The following VEGFA variants were observed in gnomAD, a reference collection of about 807,000 sequenced individuals.
VEGFA encodes the protein vascular endothelial growth factor A, long form.
VEGFA carries 20 observed loss-of-function variants against 49.7 expected under a neutral mutation model. The ratio of observed to expected loss-of-function variants is 0.40; its 90% CI spans 0.28 to 0.58. VEGFA has a LOEUF of 0.58. Among genes scored for constraint, VEGFA ranks in the 20% least tolerant of loss-of-function variants. The pLI is 0.40. For missense variants in VEGFA, 505 were observed against 553.5 expected (o/e 0.91, Z 0.88); for synonymous variants, 219 against 223.4 (o/e 0.98, Z 0.18).
chr6:43,775,352 C>T (rs991665189), intron 2 of VEGFA: 1 of 152,264 alleles, frequency 6.6e-6, no homozygotes. Context: ...AAAAGGTTGT[C>T]TGCGATAAAT....
In VEGFA at chr6:43,784,341, G is replaced by A. The variant is rs1768995130; in HGVS notation, c.1167-200G>A. On this transcript the variant is annotated intron_variant, in intron 7 of 7. Transcript: ENST00000672860. ...CTGAGTGGAGCTGCTGCTCAGGCCGGGGCTCCCTGAGGGCAGGGCTGGGGC... is the reference window on the plus strand; with the variant it reads ...CTGAGTGGAGCTGCTGCTCAGGCCGAGGCTCCCTGAGGGCAGGGCTGGGGC... 6.2e-6 allele frequency: 4 copies of A among 646,994 alleles called. No homozygotes were observed. The South Asian group carries it at 7.0e-5, about 11-fold the overall frequency. The allele number at this position is 646,994 out of a possible 1,614,324, so 40.1% of individuals were successfully genotyped here. A position where few individuals can be genotyped will look rare whatever the true frequency, so the allele number is the denominator to read the frequency against.
Position 43,771,071 on chromosome 6 carries a change from A to AGGC in VEGFA, c.371_373dup (p.Ala124dup). 6.7e-7 allele frequency: 1 copy of AGGC among 1,502,516 alleles called. No individual in the cohort carries two copies. The allele number at this position is 1,502,516 out of a possible 1,614,324, so 93.1% of individuals were successfully genotyped here. On this transcript the variant is annotated inframe_insertion, in exon 1 of 8. Coordinates refer to ENST00000672860, the MANE Select transcript of VEGFA (RefSeq NM_003376.6). ...CGGAAGCCGGGCTCATGGACGGGTGAGGCGGCGGTGTGCGCAGACAGTGCT... is the reference window on the plus strand; with the variant it reads ...CGGAAGCCGGGCTCATGGACGGGTGAGGCGGCGGCGGTGTGCGCAGACAGTGCT...
Position 43,777,701 on chromosome 6 carries a change from A to C in VEGFA, c.855+36A>C. 4.5e-4 allele frequency: 288 copies of C among 641,122 alleles called. No individual in the cohort carries two copies. Among genetic ancestry groups the C allele is most frequent in the Non-Finnish European group, 7.2e-4 (257 of 357,578 alleles). 39.7% of individuals were successfully genotyped at this position (641,122 alleles called of 1,614,324 possible). A position where few individuals can be genotyped will look rare whatever the true frequency, so the allele number is the denominator to read the frequency against. On this transcript the variant is annotated intron_variant, in intron 3 of 7. Coordinates refer to ENST00000672860, the MANE Select transcript of VEGFA (RefSeq NM_003376.6). This position sits in a 1 kb window ranked among gnomAD's most constrained non-coding sequence, Gnocchi z 4.3. ...TTGGGAAGTGGGGCAAGGGGGGGAT[A>C]GGGAGGGGGGTAACACTTTGGGAAC...
chr6:43,784,513 C>G (rs750362894), intron 7 of VEGFA, 28 bp from the exon 8 acceptor site: 1 of 1,613,660 alleles, frequency 6.2e-7, no homozygotes. Flanking sequence ...TGGCCCTAAC[C>G]CCAGCCTTTG....
chr6:43,777,692 G>T lies in VEGFA; in HGVS notation c.855+27G>T. On this transcript the variant is annotated intron_variant, in intron 3 of 7. Transcript: ENST00000672860. This position sits in a 1 kb window ranked among gnomAD's most constrained non-coding sequence, Gnocchi z 4.3. ...TGGGCATCTTTGGGAAGTGGGGCAA[G>T]GGGGGGATAGGGAGGGGGGTAACAC... 1 of 1,398,644 alleles carries T rather than the reference G, an allele frequency of 7.1e-7. No individual in the cohort carries two copies. Among genetic ancestry groups the T allele is most frequent in the Non-Finnish European group, 9.8e-7 (1 of 1,024,466 alleles). 86.6% of individuals were successfully genotyped at this position (1,398,644 alleles called of 1,614,324 possible).
At chr6:43,780,314 T>A in intron 5 of VEGFA, 2 of 296,802 alleles carry the variant, frequency 6.7e-6, no homozygotes, top group Non-Finnish European at 1.3e-5. Context: ...CTGGCCTACC[T>A]TTTATCACCC....
chr6:43,779,681 C>G (rs1216900731), intron 5 of VEGFA: 1 of 469,124 alleles, frequency 2.1e-6, no homozygotes, highest in Non-Finnish European at 4.3e-6. Flanking sequence ...AACCCCTTGC[C>G]TCTTCCCTCA....
chr6:43,771,948 C>T, intron 1 of VEGFA: 1 of 936,108 alleles, frequency 1.1e-6, no homozygotes, highest in African/African-American at 1.8e-5. Flanking sequence ...CCCTCCCCCG[C>T]CCGGCCGGGT....
intron 5 of VEGFA, 87 bp from the exon 6 acceptor site, chr6:43,780,645 G>A (rs545111127): frequency 1.3e-5 from 21 of 1,563,546 alleles, no homozygotes; most frequent in East Asian, 2.3e-5. Context: ...TGCTTTGGTC[G>A]TTCCCCCATC....
chr6:43,771,674 A>C (rs1440593784), intron 1 of VEGFA, among the ~76,000 whole-genome samples: 1 of 151,676 alleles, frequency 6.6e-6, no homozygotes, highest in Admixed American at 6.6e-5. Flanking sequence ...GACGAACTGG[A>C]AGTCTGAGCA....
chr6:43,782,177 C>CG, intron 7 of VEGFA, 90 bp downstream of exon 7: 1 of 1,552,828 alleles, frequency 6.4e-7, no homozygotes, highest in Admixed American at 1.8e-5. Context: ...AGCGAGCGAG[C>CG]GGGAGAGCGC....
At chr6:43,779,606 C>A in intron 5 of VEGFA, 1 of 440,440 alleles carries the variant, frequency 2.3e-6, no homozygotes, top group Non-Finnish European at 4.6e-6. Context: ...GTGCCCTGCC[C>A]TTTCCCCCAC....
At chr6:43,772,916 C>A (rs1363006219) in intron 1 of VEGFA, among the ~76,000 whole-genome samples, 6 of 152,202 alleles carry the variant, frequency 3.9e-5, no homozygotes, top group Non-Finnish European at 8.8e-5. Flanking sequence ...TGGCCCCTGC[C>A]TGCCTAGAAC....
Position 43,773,794 on chromosome 6 carries a change from G to A in VEGFA, c.607-547G>A, listed in dbSNP as rs1015097332. The stretch of plus-strand genomic sequence containing the variant: ...GCTGGGTTATTCCTAAGGACTAGAA[G>A]AGCTTGGATGGGGGAGGGTGGTTGG... On this transcript the variant is annotated intron_variant, in intron 1 of 7. Transcript: ENST00000672860. The surrounding 1 kb of genome is among the most constrained non-coding windows in gnomAD (Gnocchi z 5.6). The A allele has an allele frequency of 5.5e-6, 1 of 181,690 alleles. No individual in the cohort carries two copies. The highest frequency in any genetic ancestry group is 2.3e-5 in the African/African-American group (1 of 43,082). The allele number at this position is 181,690 out of a possible 1,614,324, so 11.3% of individuals were successfully genotyped here. A position where few individuals can be genotyped will look rare whatever the true frequency, so the allele number is the denominator to read the frequency against.
intron 1 of VEGFA, 123 bp downstream of exon 1, chr6:43,771,435 G>A: frequency 9.8e-7 from 1 of 1,020,684 alleles, no homozygotes; most frequent in Non-Finnish European, 1.3e-6. Context: ...CACCAGGCGT[G>A]CGGCGTCCCC....
rs1238727805 is a variant in VEGFA at position 43,777,968 on chromosome 6, C to G, written c.855+303C>G. ...CCTCTCTTGGAGAGAGTCCTGAGTG[C>G]CCCCCCTTCTTGGGGGCTTTGTTTG... On this transcript the variant is annotated intron_variant, in intron 3 of 7. Transcript: ENST00000672860. The surrounding 1 kb of genome is among the most constrained non-coding windows in gnomAD (Gnocchi z 4.3). 2 of 483,108 alleles carry G rather than the reference C, an allele frequency of 4.1e-6. No individual in the cohort carries two copies. The highest frequency in any genetic ancestry group is 2.5e-5 in the South Asian group (1 of 40,546). The allele number at this position is 483,108 out of a possible 1,614,324, so 29.9% of individuals were successfully genotyped here.
chr6:43,777,930 G>A lies in VEGFA; in HGVS notation c.855+265G>A, dbSNP rs1561990782. 1 of 547,634 alleles carries A rather than the reference G, an allele frequency of 1.8e-6. No individual in the cohort carries two copies. The highest frequency in any genetic ancestry group is 2.2e-5 in the South Asian group (1 of 46,156). 33.9% of individuals were successfully genotyped at this position (547,634 alleles called of 1,614,324 possible). A position where few individuals can be genotyped will look rare whatever the true frequency, so the allele number is the denominator to read the frequency against. ...GGGGACAGATGGATGCCTGTGTCAG[G>A]AGCCCCTCTCTCCCTCTCTTGGAGA... On this transcript the variant is annotated intron_variant, in intron 3 of 7. Transcript: ENST00000672860. The surrounding 1 kb of genome is among the most constrained non-coding windows in gnomAD (Gnocchi z 4.3).
chr6:43,781,145 G>A (rs1461918600), intron 6 of VEGFA: 4 of 531,784 alleles, frequency 7.5e-6, no homozygotes, highest in Admixed American at 3.2e-5. Context: ...CACCCAACTG[G>A]TTTCCATTGC....
rs370465512 is a variant in VEGFA at position 43,771,228 on chromosome 6, C to G, written c.522C>G (p.Pro174=). The G allele has an allele frequency of 5.6e-6, 9 of 1,605,492 alleles. No individual in the cohort carries two copies. The African/African-American group carries it at 9.5e-5, about 17-fold the overall frequency. ...GAGGGAGCGCGAGCCGCGCCGGCCC[C>G]GGTCGGGCCTCCGAAACCATGAACT... Residue 174 remains proline (P), a synonymous_variant, in exon 1 of 8, where the codon CCC becomes CCG. Transcript: ENST00000672860.
Sources: allele counts gnomAD v4.1 joint callset (sites outside exome capture counted in the v4.1 genomes callset), GRCh38; gene constraint gnomAD v4.1.1; non-coding constraint Gnocchi (gnomAD v3.1); transcripts MANE v1.5; gene names NCBI Gene and HGNC (gene_info 2026-07-23, HGNC 2026-07-21).